Variants in TMTC1 observed in about 807,000 individuals in gnomAD.
TMTC1 encodes the protein protein O-mannosyl-transferase TMTC1.
TMTC1 carries 73 observed loss-of-function variants against 104.8 expected under a neutral mutation model. The ratio of observed to expected loss-of-function variants is 0.70; its 90% CI spans 0.58 to 0.85. The LOEUF is 0.85. Ranked by LOEUF, TMTC1 falls within the 40% of genes least tolerant of loss-of-function variation. TMTC1 has a pLI of 0.00. For missense variants in TMTC1, 1,035 were observed against 1,096.1 expected (o/e 0.94, Z 0.79); for synonymous variants, 434 against 428.7 (o/e 1.01, Z -0.15).
intron 5 of TMTC1, among the ~76,000 whole-genome samples, chr12:29,717,399 G>A (rs1942114861): frequency 1.3e-5 from 2 of 152,110 alleles, no homozygotes; most frequent in African/African-American, 4.8e-5. Flanking sequence ...AAATCCACCC[G>A]GTCTAAATTG....
intron 4 of TMTC1, among the ~76,000 whole-genome samples, chr12:29,752,091 T>C (rs1277448885): frequency 1.3e-5 from 2 of 151,422 alleles, no homozygotes; most frequent in Non-Finnish European, 2.9e-5. Flanking sequence ...TGACCTAGTA[T>C]AGAACACTGT....
Position 29,751,870 on chromosome 12 carries a change from C to T in TMTC1, c.734G>A (p.Ser245Asn), listed in dbSNP as rs1943099855. Residue 245 changes from serine to asparagine, a missense_variant and splice_region_variant, in exon 5 of 18, where the codon AGC becomes AAC. Coordinates refer to ENST00000539277, the MANE Select transcript of TMTC1 (RefSeq NM_001193451.2). ...GCTGCGTGGACAGAGGGCCCCATTGCTCCTGTTGTGCATGGAATTGAGGGA... is the reference window on the plus strand; with the variant it reads ...GCTGCGTGGACAGAGGGCCCCATTGTTCCTGTTGTGCATGGAATTGAGGGA... Reference protein sequence around the residue: ...FSLSNKQDKSSNGALCPRSPQ... With the variant: ...FSLSNKQDKSNNGALCPRSPQ... The T allele has an allele frequency of 6.4e-7, 1 of 1,559,672 alleles. No individual in the cohort carries two copies. Among genetic ancestry groups the T allele is most frequent in the Non-Finnish European group, 8.7e-7 (1 of 1,152,272 alleles).
chr12:29,698,664 C>A (rs150085451), intron 5 of TMTC1, among the ~76,000 whole-genome samples: 1 of 152,322 alleles, frequency 6.6e-6, no homozygotes, highest in East Asian at 1.9e-4. Flanking sequence ...AGTCACACTT[C>A]AGTACCTACA....
intron 5 of TMTC1, among the ~76,000 whole-genome samples, chr12:29,650,332 G>A (rs765905716): frequency 2.6e-5 from 4 of 151,916 alleles, no homozygotes; most frequent in Non-Finnish European, 5.9e-5. Context: ...TGATCTGCCC[G>A]CCTAAGCCTC....
Position 29,514,559 on chromosome 12 carries a change from G to A in TMTC1, c.2353C>T (p.Pro785Ser), listed in dbSNP as rs879184896. The A allele has an allele frequency of 6.8e-6, 11 of 1,613,944 alleles. No individual in the cohort carries two copies. Among genetic ancestry groups the A allele is most frequent in the Admixed American group, 1.7e-5 (1 of 60,010 alleles). ...AAAAAAAGTTCAGAAATGACTTTTG[G>A]GTCCTTTGGTTTCAGCTGGAGAGCC... is the stretch of plus-strand genomic sequence containing the variant. ...DKALQLKPKD[P>S]KVISELFFTK... Residue 785 changes from proline to serine, a missense_variant, in exon 16 of 18, where the codon CCA (proline) becomes TCA (serine). By Grantham distance (74) the Pro-to-Ser change is moderately conservative (BLOSUM62 -1). Coordinates refer to ENST00000539277, the MANE Select transcript of TMTC1 (RefSeq NM_001193451.2).
At position 29,730,820 on chromosome 12, in the gene TMTC1, G is replaced by T. The variant is rs147944578; in HGVS notation, c.938+20846C>A. Reference sequence around the variant, plus strand: ...TAGGGTATAAAACGGGAAGGAATCAGAATGGGAAATGCCATTCAGTATTTG... The same window carrying T: ...TAGGGTATAAAACGGGAAGGAATCATAATGGGAAATGCCATTCAGTATTTG... On this transcript the variant is annotated intron_variant, in intron 5 of 17. Coordinates refer to ENST00000539277, the MANE Select transcript of TMTC1 (RefSeq NM_001193451.2). Among the ~76,000 whole-genome samples, 31 of 152,296 alleles carry T rather than the reference G, an allele frequency of 2.0e-4. No homozygotes were observed. The East Asian group carries it at 6.0e-3, about 29-fold the overall frequency.
Position 29,783,127 on chromosome 12 carries a change from G to A in TMTC1, c.302+323C>T, listed in dbSNP as rs1427683114. 4 of 297,310 alleles carry A rather than the reference G, an allele frequency of 1.3e-5. No individual in the cohort carries two copies. Among genetic ancestry groups the A allele is most frequent in the Non-Finnish European group, 2.5e-5 (4 of 161,412 alleles). 18.4% of individuals were successfully genotyped at this position (297,310 alleles called of 1,614,324 possible). The stretch of plus-strand genomic sequence containing the variant: ...GCTAGTCCCACTTGGTCACGATCCG[G>A]CAGGCGAAGGGGTGCGGAGGCGGTT... On this transcript the variant is annotated intron_variant, in intron 1 of 17. Transcript: ENST00000539277. This position sits in a 1 kb window ranked among gnomAD's most constrained non-coding sequence, Gnocchi z 4.7.
At chr12:29,674,737 C>A (rs1316550937) in intron 5 of TMTC1, among the ~76,000 whole-genome samples, 2 of 152,144 alleles carry the variant, frequency 1.3e-5, no homozygotes, top group African/African-American at 4.8e-5. Flanking sequence ...CTTTACCTGC[C>A]GTAAAGAAGG....
At chr12:29,535,964 C>A in intron 11 of TMTC1, 1 of 469,496 alleles carries the variant, frequency 2.1e-6, no homozygotes, top group Non-Finnish European at 3.7e-6. Context: ...AGATTCTGTA[C>A]CAAAGTGAGA....
At chr12:29,521,389 T>G (rs1372958421) in intron 11 of TMTC1, among the ~76,000 whole-genome samples, 4 of 152,128 alleles carry the variant, frequency 2.6e-5, no homozygotes, top group Non-Finnish European at 5.9e-5. Context: ...CAGGTTTATA[T>G]GTCCCCTCAA....
At chr12:29,587,573 C>T (rs1408846560) in intron 7 of TMTC1, among the ~76,000 whole-genome samples, 1 of 152,020 alleles carries the variant, frequency 6.6e-6, no homozygotes, top group Non-Finnish European at 1.5e-5. Context: ...GGCTAAAGAT[C>T]CACCTGCCTT....
At position 29,774,785 on chromosome 12, in the gene TMTC1, C is replaced by G. The variant is rs1260648538; in HGVS notation, c.303-6710G>C. On this transcript the variant is annotated intron_variant, in intron 1 of 17. Transcript: ENST00000539277. Reference sequence around the variant, plus strand: ...TCTTCTTCTGCATTCCCTTCAGTACCAGGAATAAATCAGCAAATCATTATT... The same window carrying G: ...TCTTCTTCTGCATTCCCTTCAGTACGAGGAATAAATCAGCAAATCATTATT... Among the ~76,000 whole-genome samples, 8 of 152,154 alleles carry G rather than the reference C, an allele frequency of 5.3e-5. No homozygotes were observed. In the East Asian group the frequency reaches 1.3e-3, roughly 26 times the overall value.
chr12:29,636,899 A>G (rs557749246), intron 5 of TMTC1, among the ~76,000 whole-genome samples: 1 of 151,878 alleles, frequency 6.6e-6, no homozygotes, highest in East Asian at 1.9e-4. Flanking sequence ...TAAAAAAAAA[A>G]AAAAAACTTA....
intron 5 of TMTC1, among the ~76,000 whole-genome samples, chr12:29,653,024 T>C (rs1939595779): frequency 6.6e-6 from 1 of 151,998 alleles, no homozygotes; most frequent in Non-Finnish European, 1.5e-5. Context: ...ATCTTGCCAC[T>C]GAACTCCAGT....
intron 8 of TMTC1, among the ~76,000 whole-genome samples, chr12:29,574,131 G>T (rs1271686009): frequency 6.6e-6 from 1 of 152,202 alleles, no homozygotes; most frequent in Non-Finnish European, 1.5e-5. Flanking sequence ...GCAGGTGGCA[G>T]GACAAGGTGA....
chr12:29,700,406 T>C (rs1372320922), intron 5 of TMTC1, among the ~76,000 whole-genome samples: 1 of 152,018 alleles, frequency 6.6e-6, no homozygotes, highest in Non-Finnish European at 1.5e-5. Context: ...TCTCACTTTG[T>C]TGTCCAGGCG....
intron 5 of TMTC1, among the ~76,000 whole-genome samples, chr12:29,637,561 A>T (rs1283499551): frequency 6.6e-6 from 1 of 152,204 alleles, no homozygotes; most frequent in Admixed American, 6.5e-5. Context: ...GCCGAAAAAC[A>T]TGAAAGGGAA....
chr12:29,569,236 A>G (rs1360113609), intron 9 of TMTC1, among the ~76,000 whole-genome samples: 2 of 152,186 alleles, frequency 1.3e-5, no homozygotes, highest in Admixed American at 6.5e-5. Context: ...AAAATTTAAA[A>G]GAAGCAGAAT....
At chr12:29,704,398 G>T (rs1941683994) in intron 5 of TMTC1, among the ~76,000 whole-genome samples, 1 of 152,228 alleles carries the variant, frequency 6.6e-6, no homozygotes, top group South Asian at 2.1e-4. Context: ...TAGAAAGTCT[G>T]AATGGAAAGG....
Sources: allele counts gnomAD v4.1 joint callset (sites outside exome capture counted in the v4.1 genomes callset), GRCh38; gene constraint gnomAD v4.1.1; non-coding constraint Gnocchi (gnomAD v3.1); transcripts MANE v1.5; gene names NCBI Gene and HGNC (gene_info 2026-07-23, HGNC 2026-07-21).